MAPRE1: variants seen among roughly 807,000 people sequenced by gnomAD.
MAPRE1 encodes the protein microtubule associated protein RP/EB family member 1.
A neutral mutation model predicts 32.1 loss-of-function variants in MAPRE1; 5 were observed. That is an observed-to-expected ratio of 0.16 (90% CI 0.08 to 0.33). MAPRE1 has a LOEUF of 0.33. Among genes scored for constraint, MAPRE1 ranks in the 10% least tolerant of loss-of-function variants. The probability of loss-of-function intolerance (pLI) is 1.00; values close to 1 mark genes in which losing one functional copy is unlikely to be tolerated. For missense variants in MAPRE1, 209 were observed against 327.2 expected (o/e 0.64, Z 2.79); for synonymous variants, 122 against 118.9 (o/e 1.03, Z -0.17).
chr20:32,827,973 A>C (rs1393131690), intron 2 of MAPRE1, among the ~76,000 whole-genome samples: 1 of 130,768 alleles, frequency 7.6e-6, no homozygotes, highest in Non-Finnish European at 1.6e-5. Flanking sequence ...GCCCTTCCTT[A>C]TTTTATAGCT....
At chr20:32,831,149 T>TA (rs1347277174) in intron 2 of MAPRE1, among the ~76,000 whole-genome samples, 9 of 151,716 alleles carry the variant, frequency 5.9e-5, no homozygotes, top group South Asian at 2.1e-4. Flanking sequence ...AGGTCTTCAT[T>TA]AAAAAAAATT....
At chr20:32,831,589 A>G (rs1352686044) in intron 2 of MAPRE1, among the ~76,000 whole-genome samples, 1 of 151,194 alleles carries the variant, frequency 6.6e-6, no homozygotes, top group East Asian at 2.0e-4. Context: ...AGTGCAATGA[A>G]TGGTGCGATC....
intron 3 of MAPRE1, among the ~76,000 whole-genome samples, chr20:32,836,339 C>T (rs900857175): frequency 6.6e-6 from 1 of 152,192 alleles, no homozygotes; most frequent in East Asian, 1.9e-4. Flanking sequence ...TTTTGTATCA[C>T]GTCTTACGAT....
In MAPRE1 at chr20:32,844,359, G is replaced by A. The variant is rs141324358; in HGVS notation, c.598-2259G>A. ...TCTGGTTTGGCCTTGATAATTTGTT[G>A]GACAGAGAAGGTTTTAAAGGGTTTG... is the stretch of plus-strand genomic sequence containing the variant. On this transcript the variant is annotated intron_variant, in intron 5 of 6. Transcript: ENST00000375571. Among the ~76,000 whole-genome samples the A allele has an allele frequency of 4.7e-3, 700 of 149,796 alleles. 10 individuals are homozygous for A. The highest frequency in any genetic ancestry group is 0.017 in the African/African-American group (681 of 40,964).
In MAPRE1 at chr20:32,836,572, G is replaced by T. The variant is rs1176258616; in HGVS notation, c.268-62G>T. ...GAGCTTTATAATGAATTGATGCATG[G>T]ACTAGTTTGATGCTTGCCAAAAGCC... On this transcript the variant is annotated intron_variant, in intron 3 of 6. Transcript: ENST00000375571. The T allele has an allele frequency of 3.4e-6, 3 of 893,288 alleles. No individual in the cohort carries two copies. In the African/African-American group the frequency reaches 5.0e-5, roughly 15 times the overall value. 55.3% of individuals were successfully genotyped at this position (893,288 alleles called of 1,614,324 possible).
At chr20:32,838,299 C>T (rs1211402163) in intron 4 of MAPRE1, among the ~76,000 whole-genome samples, 2 of 152,182 alleles carry the variant, frequency 1.3e-5, no homozygotes, top group Non-Finnish European at 2.9e-5. Flanking sequence ...AAGGTTCATC[C>T]ATGCCCTAGC....
chr20:32,835,364 G>GTTTTTTTTTTTTTTTTTTTTTTTTTTTTT (rs71190879), intron 3 of MAPRE1, among the ~76,000 whole-genome samples: 2 of 106,628 alleles, frequency 1.9e-5, no homozygotes, highest in African/African-American at 4.7e-5. Context: ...TTTTATTGGT[G>GTTTTTTTTTTTTTTTTTTTTTTTTTTTTT]TTTTTTTTTT....
At chr20:32,842,693 G>A (rs909522000) in intron 5 of MAPRE1, among the ~76,000 whole-genome samples, 28 of 152,194 alleles carry the variant, frequency 1.8e-4, no homozygotes, top group Non-Finnish European at 3.1e-4. Context: ...GCTGCTAAGC[G>A]TTGATGAGAG....
chr20:32,849,278 C>T lies in MAPRE1; in HGVS notation c.*550C>T, dbSNP rs1348597403. Reference sequence around the variant, plus strand: ...ACAGGTCTTACAGGGCTGCTTGAACCCTCATAGGCCTAGGCTTTGGTCTAA... The same window carrying T: ...ACAGGTCTTACAGGGCTGCTTGAACTCTCATAGGCCTAGGCTTTGGTCTAA... On this transcript the variant is annotated 3_prime_UTR_variant, in exon 7 of 7. Coordinates refer to ENST00000375571, the MANE Select transcript of MAPRE1 (RefSeq NM_012325.3). The T allele has an allele frequency of 6.6e-6, 1 of 152,244 alleles. No individual in the cohort carries two copies. Among genetic ancestry groups the T allele is most frequent in the African/African-American group, 2.4e-5 (1 of 41,410 alleles). 9.4% of individuals were successfully genotyped at this position (152,244 alleles called of 1,614,324 possible). A position where few individuals can be genotyped will look rare whatever the true frequency, so the allele number is the denominator to read the frequency against.
intron 6 of MAPRE1, 136 bp from the exon 7 acceptor site, chr20:32,848,536 A>G: frequency 1.9e-6 from 1 of 523,646 alleles, no homozygotes; most frequent in Non-Finnish European, 3.3e-6. Flanking sequence ...CTACCCAAGA[A>G]ATAAAATAGC....
rs145105750 is a variant in MAPRE1 at position 32,844,565 on chromosome 20, C to T, written c.598-2053C>T. 7.8e-3 allele frequency among the ~76,000 whole-genome samples: 1,165 copies of T among 149,262 alleles called. 10 individuals carry two copies. Among genetic ancestry groups the T allele is most frequent in the African/African-American group, 0.027 (1,104 of 40,652 alleles). ...GAGTAGGTGGGACTACAGGTGCACACCACCATGCCCAGCTAATTTTTATAT... is the reference window on the plus strand; with the variant it reads ...GAGTAGGTGGGACTACAGGTGCACATCACCATGCCCAGCTAATTTTTATAT... On this transcript the variant is annotated intron_variant, in intron 5 of 6. Coordinates refer to ENST00000375571, the MANE Select transcript of MAPRE1 (RefSeq NM_012325.3).
At chr20:32,839,671 G>T in intron 4 of MAPRE1, 64 bp from the exon 5 acceptor site, 3 of 1,594,814 alleles carry the variant, frequency 1.9e-6, no homozygotes, top group Non-Finnish European at 2.6e-6. Flanking sequence ...ATGTTGTCTT[G>T]TGGATTTTTT....
chr20:32,846,023 A>T (rs1983496594), intron 5 of MAPRE1, among the ~76,000 whole-genome samples: 1 of 152,242 alleles, frequency 6.6e-6, no homozygotes, highest in African/African-American at 2.4e-5. Context: ...TGGAATGAAG[A>T]TGCCCCATGG....
chr20:32,838,894 T>C (rs1983274817), intron 4 of MAPRE1, among the ~76,000 whole-genome samples: 1 of 152,244 alleles, frequency 6.6e-6, no homozygotes, highest in Admixed American at 6.5e-5. Context: ...ATGCAAACTT[T>C]ACAAAATAAT....
At chr20:32,840,657 C>T (rs1004742468) in intron 5 of MAPRE1, among the ~76,000 whole-genome samples, 2 of 151,192 alleles carry the variant, frequency 1.3e-5, no homozygotes, top group East Asian at 3.9e-4. Flanking sequence ...TCTGTGATTC[C>T]AGTGAGTTTG....
chr20:32,843,230 T>C (rs1983411495), intron 5 of MAPRE1: 1 of 152,210 alleles, frequency 6.6e-6, no homozygotes, highest in Non-Finnish European at 1.5e-5. Flanking sequence ...TTGGCTCATT[T>C]ACATTATCTG....
At chr20:32,835,019 A>T (rs757941991) in intron 3 of MAPRE1, among the ~76,000 whole-genome samples, 1 of 152,136 alleles carries the variant, frequency 6.6e-6, no homozygotes, top group Non-Finnish European at 1.5e-5. Flanking sequence ...ATATTATTGG[A>T]TATATTCTTT....
At chr20:32,832,942 C>CA (rs1308556096) in intron 2 of MAPRE1, among the ~76,000 whole-genome samples, 5,243 of 133,318 alleles carry the variant, frequency 0.039, 288 homozygotes, top group African/African-American at 0.14. Flanking sequence ...GACTCTGTCT[C>CA]AAAAAAAATA....
At chr20:32,848,212 A>C (rs1201137728) in intron 6 of MAPRE1, among the ~76,000 whole-genome samples, 1 of 148,542 alleles carries the variant, frequency 6.7e-6, no homozygotes, top group Non-Finnish European at 1.5e-5. Context: ...AGGCTTGGCT[A>C]GTTTTTTTTT....
Sources: allele counts gnomAD v4.1 joint callset (sites outside exome capture counted in the v4.1 genomes callset), GRCh38; gene constraint gnomAD v4.1.1; transcripts MANE v1.5; gene names NCBI Gene and HGNC (gene_info 2026-07-23, HGNC 2026-07-21).